Variants in NDC1 observed in about 807,000 individuals in gnomAD.
NDC1 encodes NDC1 transmembrane nucleoporin.
In NDC1, 24 loss-of-function variants were observed where a neutral mutation model predicts 89.8. The observed-to-expected ratio is 0.27, with a 90% CI of 0.19 to 0.38. The LOEUF (loss-of-function observed/expected upper bound fraction) is 0.38, where lower values mean the gene tolerates loss of function less well. Among genes scored for constraint, NDC1 ranks in the 10% least tolerant of loss-of-function variants. The pLI, the probability that NDC1 is intolerant of heterozygous loss-of-function variation, is 1.00. For missense variants in NDC1, 728 were observed against 797.6 expected (o/e 0.91, Z 1.05); for synonymous variants, 296 against 284.8 (o/e 1.04, Z -0.39).
intron 16 of NDC1, among the ~76,000 whole-genome samples, chr1:53,778,725 T>C (rs1647181465): frequency 6.6e-6 from 1 of 152,202 alleles, no homozygotes. Flanking sequence ...AGATAATATA[T>C]GAATAGTTTA....
intron 6 of NDC1, among the ~76,000 whole-genome samples, chr1:53,810,098 T>C (rs1648253925): frequency 6.6e-6 from 1 of 152,214 alleles, no homozygotes; most frequent in Non-Finnish European, 1.5e-5. Context: ...CCGATGTGCA[T>C]TATAATCTGT....
chr1:53,801,748 CAT>C (rs1258034458), intron 10 of NDC1, among the ~76,000 whole-genome samples: 1 of 152,052 alleles, frequency 6.6e-6, no homozygotes, highest in Non-Finnish European at 1.5e-5. Flanking sequence ...ACTGTGTAAC[CAT>C]CCAATTAAAT....
chr1:53,766,619 T>C lies in NDC1; in HGVS notation c.*1351A>G, dbSNP rs147483454. The C allele has an allele frequency of 1.6e-3, 250 of 152,348 alleles. 1 individual carries two copies. Among genetic ancestry groups the C allele is most frequent in the African/African-American group, 5.7e-3 (239 of 41,584 alleles). The allele number at this position is 152,348 out of a possible 1,614,324, so 9.4% of individuals were successfully genotyped here. A position where few individuals can be genotyped will look rare whatever the true frequency, so the allele number is the denominator to read the frequency against. Reference sequence around the variant, plus strand: ...TAGCACCTATTTATAATTTGGCATGTACTGCTTGAAGGGGCAACAGGACCC... The same window carrying C: ...TAGCACCTATTTATAATTTGGCATGCACTGCTTGAAGGGGCAACAGGACCC... On this transcript the variant is annotated 3_prime_UTR_variant, in exon 18 of 18. Transcript: ENST00000371429.
intron 11 of NDC1, among the ~76,000 whole-genome samples, chr1:53,799,327 G>T (rs1371910339): frequency 2.0e-5 from 3 of 152,122 alleles, no homozygotes; most frequent in Non-Finnish European, 2.9e-5. Context: ...ACATTGTTTG[G>T]TATGCAGTAG....
chr1:53,810,661 C>G (rs575848715), intron 6 of NDC1, among the ~76,000 whole-genome samples: 1 of 152,102 alleles, frequency 6.6e-6, no homozygotes, highest in South Asian at 2.1e-4. Flanking sequence ...TCCCAGTACT[C>G]TGGGAGGCCA....
intron 16 of NDC1, among the ~76,000 whole-genome samples, chr1:53,786,056 G>GT (rs1557569128): frequency 2.0e-5 from 3 of 152,010 alleles, no homozygotes; most frequent in Admixed American, 2.0e-4. Flanking sequence ...TCCCGAGTAG[G>GT]TGGGACTACA....
At chr1:53,817,072 A>G (rs535487214) in intron 6 of NDC1, among the ~76,000 whole-genome samples, 73 of 152,344 alleles carry the variant, frequency 4.8e-4, no homozygotes, top group African/African-American at 1.7e-3. Flanking sequence ...CCACTATGGA[A>G]AAGTGTGGAG....
chr1:53,825,741 C>A (rs1488174487), intron 5 of NDC1, 57 bp downstream of exon 5: 19 of 1,469,086 alleles, frequency 1.3e-5, no homozygotes, highest in Non-Finnish European at 1.7e-5. Context: ...ACATATGCAC[C>A]AAGGCAATTT....
At chr1:53,775,487 G>A (rs1647155060) in intron 16 of NDC1, among the ~76,000 whole-genome samples, 1 of 152,066 alleles carries the variant, frequency 6.6e-6, no homozygotes, top group Non-Finnish European at 1.5e-5. Context: ...TTGAACTCCT[G>A]ACCTCAAGTG....
At chr1:53,801,426 T>C (rs1008252620) in intron 10 of NDC1, among the ~76,000 whole-genome samples, 1 of 152,228 alleles carries the variant, frequency 6.6e-6, no homozygotes, top group African/African-American at 2.4e-5. Context: ...TATCTTATTA[T>C]TTAACTTAAA....
intron 3 of NDC1, among the ~76,000 whole-genome samples, chr1:53,828,757 GC>G (rs1648959641): frequency 6.6e-6 from 1 of 151,986 alleles, no homozygotes; most frequent in Admixed American, 6.6e-5. Flanking sequence ...GATTACCGGT[GC>G]CTGCCACCAT....
chr1:53,811,052 C>T, intron 6 of NDC1, among the ~76,000 whole-genome samples: 1 of 152,156 alleles, frequency 6.6e-6, no homozygotes, highest in East Asian at 1.9e-4. Flanking sequence ...TCTGACCTTA[C>T]CTGGAGCTGA....
At chr1:53,829,794 G>A (rs1648990744) in intron 3 of NDC1, among the ~76,000 whole-genome samples, 1 of 152,200 alleles carries the variant, frequency 6.6e-6, no homozygotes, top group African/African-American at 2.4e-5. Flanking sequence ...GTTTAAGTGT[G>A]GCTGTAAGCC....
At chr1:53,809,364 CT>C (rs1221278233) in intron 7 of NDC1, among the ~76,000 whole-genome samples, 2 of 152,044 alleles carry the variant, frequency 1.3e-5, no homozygotes, top group Non-Finnish European at 2.9e-5. Context: ...TTATTATTTT[CT>C]TTTTGAGACA....
intron 15 of NDC1, among the ~76,000 whole-genome samples, chr1:53,787,884 CAT>C (rs1366872950): frequency 0.015 from 1,811 of 119,782 alleles, 29 homozygotes; most frequent in African/African-American, 0.051. Context: ...AAAAAAAAAA[CAT>C]GTGGTAAGGG....
chr1:53,771,114 T>C (rs1647109824), intron 17 of NDC1: 1 of 194,382 alleles, frequency 5.1e-6, no homozygotes, highest in Non-Finnish European at 1.1e-5. Flanking sequence ...CCCCCCTGCC[T>C]GGACATGAGC....
chr1:53,772,268 C>T, intron 17 of NDC1, 61 bp downstream of exon 17: 1 of 1,472,878 alleles, frequency 6.8e-7, no homozygotes, highest in South Asian at 1.2e-5. Flanking sequence ...ATTCCCATAC[C>T]TATTTCTAAG....
At chr1:53,813,592 C>T (rs1398275457) in intron 6 of NDC1, among the ~76,000 whole-genome samples, 1 of 152,086 alleles carries the variant, frequency 6.6e-6, no homozygotes, top group Non-Finnish European at 1.5e-5. Flanking sequence ...CAATCCTAAA[C>T]ATATATGCAT....
intron 6 of NDC1, among the ~76,000 whole-genome samples, chr1:53,811,569 G>A (rs969265558): frequency 2.0e-5 from 3 of 152,062 alleles, no homozygotes; most frequent in Non-Finnish European, 4.4e-5. Context: ...CAACTCCAGT[G>A]ACCTAGGAAT....
Sources: gnomAD v4.1 joint callset for allele counts (sites outside exome capture counted in the v4.1 genomes callset) on GRCh38, gnomAD v4.1.1 for gene constraint, MANE v1.5 for transcripts, NCBI Gene and HGNC (gene_info 2026-07-23, HGNC 2026-07-21) for gene names.